Variants in CCDC149 observed in about 807,000 individuals in gnomAD.
The protein encoded by CCDC149 is coiled-coil domain-containing protein 149.
A neutral mutation model predicts 59.9 loss-of-function variants in CCDC149; 45 were observed. That is an observed-to-expected ratio of 0.75 (90% CI 0.59 to 0.96). The LOEUF (loss-of-function observed/expected upper bound fraction) is 0.96, where lower values mean the gene tolerates loss of function less well. Ranked by LOEUF, CCDC149 falls within the 40% of genes least tolerant of loss-of-function variation. The probability of loss-of-function intolerance (pLI) is 0.00; values close to 1 mark genes in which losing one functional copy is unlikely to be tolerated. For missense variants in CCDC149, 584 were observed against 664.7 expected, an observed-to-expected ratio of 0.88 and a Z score of 1.33; for synonymous variants, 245 against 260.6, an observed-to-expected ratio of 0.94 and a Z score of 0.58.
intron 6 of CCDC149, 21 bp from the exon 7 acceptor site, chr4:24,836,529 C>T (rs777681669): frequency 1.0e-5 from 16 of 1,543,776 alleles, no homozygotes; most frequent in Admixed American, 5.0e-5. Context: ...ATACATAAAA[C>T]TAGGAGGTGT....
chr4:24,967,966 C>T (rs1488281520), intron 1 of CCDC149, among the ~76,000 whole-genome samples: 1 of 152,154 alleles, frequency 6.6e-6, no homozygotes, highest in Admixed American at 6.5e-5. Flanking sequence ...TTTTGGGCCT[C>T]CTGGGTTACT....
At chr4:24,967,617 T>C (rs1228836919) in intron 1 of CCDC149, among the ~76,000 whole-genome samples, 1 of 149,642 alleles carries the variant, frequency 6.7e-6, no homozygotes, top group Non-Finnish European at 1.5e-5. Context: ...ACAGTGTTGC[T>C]GCAGGGCTAT....
chr4:24,967,459 A>G (rs562914020), intron 1 of CCDC149, among the ~76,000 whole-genome samples: 2 of 152,130 alleles, frequency 1.3e-5, no homozygotes, highest in Admixed American at 6.5e-5. Context: ...CTGTACCATC[A>G]ATCATGGATT....
intron 1 of CCDC149, among the ~76,000 whole-genome samples, chr4:24,940,766 C>T (rs1413546088): frequency 6.6e-6 from 1 of 152,124 alleles, no homozygotes; most frequent in Non-Finnish European, 1.5e-5. Context: ...ATAAAACAGA[C>T]TTTAAACCAA....
chr4:24,909,699 A>G (rs1218680162), intron 1 of CCDC149, among the ~76,000 whole-genome samples: 1 of 152,144 alleles, frequency 6.6e-6, no homozygotes, highest in East Asian at 1.9e-4. Context: ...TTTCCTCCAT[A>G]ATGTTCTCGT....
At chr4:24,839,182 CTTTT>C (rs763819835) in intron 4 of CCDC149, among the ~76,000 whole-genome samples, 1 of 144,284 alleles carries the variant, frequency 6.9e-6, no homozygotes, top group African/African-American at 2.5e-5. Flanking sequence ...TACTTTCTAA[CTTTT>C]TTTTTTTTTT....
Position 24,835,038 on chromosome 4 carries a change from A to G in CCDC149, c.736-6T>C, listed in dbSNP as rs777951551. 6 of 1,609,712 alleles carry G rather than the reference A, an allele frequency of 3.7e-6. No individual in the cohort carries two copies. Among genetic ancestry groups the G allele is most frequent in the Non-Finnish European group, 5.1e-6 (6 of 1,176,108 alleles). Reference sequence around the variant, plus strand: ...TTCCGTCTCTCCAGAGCATTCTAAAACAGGATTGGGAGAGAATAAAAACCC... The same window carrying G: ...TTCCGTCTCTCCAGAGCATTCTAAAGCAGGATTGGGAGAGAATAAAAACCC... On this transcript the variant is annotated splice_region_variant and splice_polypyrimidine_tract_variant and intron_variant, in intron 7 of 12. Coordinates refer to ENST00000635206, the MANE Select transcript of CCDC149 (RefSeq NM_001330643.2).
chr4:24,838,344 C>T, intron 4 of CCDC149, 72 bp from the exon 5 acceptor site: 1 of 1,102,688 alleles, frequency 9.1e-7, no homozygotes. Flanking sequence ...CCAAAGGACA[C>T]TAAGAAACTT....
rs5856868 is a variant in CCDC149, at chr4:24,874,244, G to GTTTTTTTT, written c.226-533_226-526dup. 6.5e-4 allele frequency among the ~76,000 whole-genome samples: 57 copies of GTTTTTTTT among 87,480 alleles called. 5 individuals carry two copies. Among genetic ancestry groups the GTTTTTTTT allele is most frequent in the African/African-American group, 3.0e-3 (52 of 17,168 alleles). 57.4% of individuals were successfully genotyped at this position (87,480 alleles called of 152,430 possible). On this transcript the variant is annotated intron_variant, in intron 2 of 12. Transcript: ENST00000635206. ...GAGAACTTCTAGTCCTATTAGATTT[G>GTTTTTTTT]TTTTTTTTTTTTTTTGTTTTGTTTT...
intron 1 of CCDC149, among the ~76,000 whole-genome samples, chr4:24,955,949 A>C (rs1195736054): frequency 1.3e-5 from 2 of 152,250 alleles, no homozygotes; most frequent in Non-Finnish European, 2.9e-5. Context: ...GTAACACTTT[A>C]TTCACACCCT....
rs542076847 is a variant in CCDC149, at chr4:24,912,522, T to G, written c.63+295A>C. On this transcript the variant is annotated intron_variant, in intron 1 of 12. Coordinates refer to ENST00000635206, the MANE Select transcript of CCDC149 (RefSeq NM_001330643.2). ...CAGGCAGGTGGGGCTTGGCACCTTC[T>G]GCTCCCGGATCCCAGGGCTTCAGCC... Among the ~76,000 whole-genome samples the G allele has an allele frequency of 3.3e-5, 5 of 152,156 alleles. No individual in the cohort carries two copies. In the East Asian group the frequency reaches 9.8e-4, roughly 30 times the overall value.
At chr4:24,912,518 C>T (rs1721933428) in intron 1 of CCDC149, among the ~76,000 whole-genome samples, 1 of 152,126 alleles carries the variant, frequency 6.6e-6, no homozygotes, top group African/African-American at 2.4e-5. Context: ...GGCTTGGCAC[C>T]TTCTGCTCCC....
At chr4:24,829,018 G>A (rs1356829130) in intron 9 of CCDC149, 1 of 152,370 alleles carries the variant, frequency 6.6e-6, no homozygotes, top group Non-Finnish European at 1.5e-5. Flanking sequence ...GGCATGTCAG[G>A]CCGACAGCCT....
intron 1 of CCDC149, among the ~76,000 whole-genome samples, chr4:24,969,885 A>G (rs561442348): frequency 6.6e-6 from 1 of 151,956 alleles, no homozygotes; most frequent in South Asian, 2.1e-4. Flanking sequence ...CTTGCATTTC[A>G]CTCCTTCGGT....
chr4:24,804,511 A>T (rs1714055602), downstream of CCDC149, among the ~76,000 whole-genome samples: 1 of 149,210 alleles, frequency 6.7e-6, no homozygotes, highest in African/African-American at 2.5e-5. Context: ...AAAAAAAAAG[A>T]AGTAGGGTAC....
chr4:24,828,270 C>T (rs1230691875), intron 9 of CCDC149: 5 of 67,964 alleles, frequency 7.4e-5, no homozygotes, highest in Non-Finnish European at 1.6e-4. Context: ...TACCAGTTAC[C>T]GTTTGTAAAA....
chr4:24,938,299 C>G (rs759405536), intron 1 of CCDC149, among the ~76,000 whole-genome samples: 8 of 152,052 alleles, frequency 5.3e-5, no homozygotes, highest in Non-Finnish European at 7.4e-5. Context: ...TTAAGAAAAG[C>G]CTTAATTTCC....
At chr4:24,918,855 T>G (rs1221281236) in intron 1 of CCDC149, among the ~76,000 whole-genome samples, 1 of 152,194 alleles carries the variant, frequency 6.6e-6, no homozygotes, top group Non-Finnish European at 1.5e-5. Flanking sequence ...TTTTATTATA[T>G]CAGTAGGGCA....
At chr4:24,898,692 C>T (rs1482596868) in intron 1 of CCDC149, among the ~76,000 whole-genome samples, 1 of 152,176 alleles carries the variant, frequency 6.6e-6, no homozygotes, top group Non-Finnish European at 1.5e-5. Flanking sequence ...TCCTCAGGAA[C>T]CGAGTTACCC....
Sources: gnomAD v4.1 joint callset for allele counts (sites outside exome capture counted in the v4.1 genomes callset) on GRCh38, gnomAD v4.1.1 for gene constraint, MANE v1.5 for transcripts, NCBI Gene and HGNC (gene_info 2026-07-23, HGNC 2026-07-21) for gene names.